The following SDC2 variants were observed in gnomAD, a reference collection of about 807,000 sequenced individuals.
SDC2 encodes the protein syndecan-2.
In SDC2, 13 loss-of-function variants were observed where a neutral mutation model predicts 22.2. The ratio of observed to expected loss-of-function variants is 0.59; its 90% CI spans 0.38 to 0.93. The LOEUF (loss-of-function observed/expected upper bound fraction) is 0.93, where lower values mean the gene tolerates loss of function less well. Ranked by LOEUF, SDC2 falls within the 40% of genes least tolerant of loss-of-function variation. SDC2 has a pLI of 0.00. For synonymous variants in SDC2, 94 were observed against 92.8 expected (o/e 1.01, Z -0.07); for missense variants, 235 against 246.8 (o/e 0.95, Z 0.32).
At chr8:96,546,268 T>C (rs1813930779) in intron 1 of SDC2, among the ~76,000 whole-genome samples, 1 of 152,200 alleles carries the variant, frequency 6.6e-6, no homozygotes, top group Admixed American at 6.5e-5. Flanking sequence ...GCAACTCACT[T>C]GAAACTTTGG....
Position 96,608,319 on chromosome 8 carries a change from C to G in SDC2, c.307-16C>G. 1 of 1,608,004 alleles carries G rather than the reference C, an allele frequency of 6.2e-7. No homozygotes were observed. Among genetic ancestry groups the G allele is most frequent in the Non-Finnish European group, 8.5e-7 (1 of 1,177,688 alleles). Reference sequence around the variant, plus strand: ...TTCCTTAAATCAATGTAATCTTTCCCTGTTTCCCATACCAGTCACCTGAAG... The same window carrying G: ...TTCCTTAAATCAATGTAATCTTTCCGTGTTTCCCATACCAGTCACCTGAAG... On this transcript the variant is annotated splice_polypyrimidine_tract_variant and intron_variant, in intron 3 of 4. Transcript: ENST00000302190.
At chr8:96,557,631 G>C (rs1286608772) in intron 1 of SDC2, among the ~76,000 whole-genome samples, 2 of 152,018 alleles carry the variant, frequency 1.3e-5, no homozygotes, top group African/African-American at 4.8e-5. Flanking sequence ...GTGGTGGGGT[G>C]GGGGGAGTGG....
intron 1 of SDC2, among the ~76,000 whole-genome samples, chr8:96,565,057 C>T (rs1043755818): frequency 5.9e-5 from 6 of 102,356 alleles, no homozygotes; most frequent in Non-Finnish European, 1.4e-4. Flanking sequence ...GGTAAGCATA[C>T]TGATCACTGA....
chr8:96,599,426 A>G (rs1312371510), intron 2 of SDC2, among the ~76,000 whole-genome samples: 2 of 152,226 alleles, frequency 1.3e-5, no homozygotes, highest in African/African-American at 2.4e-5. Flanking sequence ...TCTTTGTAAG[A>G]AAATGATTCA....
At chr8:96,537,417 G>A (rs779345459) in intron 1 of SDC2, 61 of 152,098 alleles carry the variant, frequency 4.0e-4, no homozygotes, top group Non-Finnish European at 7.8e-4. Flanking sequence ...AGCATCTCAT[G>A]GTGTCCAGGT....
Position 96,596,815 on chromosome 8 carries a change from GGAA to G in SDC2, c.172+3230_172+3232del, listed in dbSNP as rs1381399845. Reference sequence around the variant, plus strand: ...AAAAGCCATGAAGTTTTGAAAGCTGGGAAGAAGATGAGCTAGTGGGGACAGACT... The same window carrying G: ...AAAAGCCATGAAGTTTTGAAAGCTGGGAAGATGAGCTAGTGGGGACAGACT... On this transcript the variant is annotated intron_variant, in intron 2 of 4. Coordinates refer to ENST00000302190, the MANE Select transcript of SDC2 (RefSeq NM_002998.4). 1.4e-4 allele frequency among the ~76,000 whole-genome samples: 21 copies of G among 152,310 alleles called. No homozygotes were observed. In the East Asian group the frequency reaches 2.3e-3, roughly 17 times the overall value.
intron 1 of SDC2, among the ~76,000 whole-genome samples, chr8:96,565,710 C>T (rs1254133197): frequency 6.6e-6 from 1 of 152,136 alleles, no homozygotes; most frequent in African/African-American, 2.4e-5. Context: ...TTGGGAAAGA[C>T]TGCCTTCCCT....
intron 1 of SDC2, among the ~76,000 whole-genome samples, chr8:96,519,728 C>T (rs933422726): frequency 3.3e-5 from 5 of 151,984 alleles, no homozygotes; most frequent in South Asian, 2.1e-4. Context: ...TCTCTCCTCC[C>T]GGGTTCAAGC....
intron 1 of SDC2, among the ~76,000 whole-genome samples, chr8:96,541,260 C>A (rs1330598228): frequency 1.3e-5 from 2 of 151,962 alleles, no homozygotes; most frequent in Non-Finnish European, 2.9e-5. Context: ...GAAACCCCAT[C>A]TCTACCTAAA....
At chr8:96,527,208 A>C (rs1813591272) in intron 1 of SDC2, among the ~76,000 whole-genome samples, 1 of 151,512 alleles carries the variant, frequency 6.6e-6, no homozygotes, top group African/African-American at 2.4e-5. Context: ...GCTTAGGGAC[A>C]GGTTTGGGAG....
chr8:96,519,797 C>T (rs1252266159), intron 1 of SDC2, among the ~76,000 whole-genome samples: 2 of 152,020 alleles, frequency 1.3e-5, no homozygotes, highest in Non-Finnish European at 2.9e-5. Flanking sequence ...CCACGCATGG[C>T]TCGGTTTTTA....
chr8:96,572,090 GT>G (rs1046116789), intron 1 of SDC2, among the ~76,000 whole-genome samples: 1 of 152,006 alleles, frequency 6.6e-6, no homozygotes, highest in Admixed American at 6.6e-5. Context: ...CTGCCACCCT[GT>G]TTTTTTTCCC....
chr8:96,524,313 T>C (rs1419065061), intron 1 of SDC2, among the ~76,000 whole-genome samples: 1 of 152,188 alleles, frequency 6.6e-6, no homozygotes, highest in African/African-American at 2.4e-5. Flanking sequence ...GGGGATGTCA[T>C]TATCATGGCT....
At chr8:96,597,383 G>A (rs192249090) in intron 2 of SDC2, among the ~76,000 whole-genome samples, 44 of 152,228 alleles carry the variant, frequency 2.9e-4, no homozygotes, top group Middle Eastern at 3.4e-3. Context: ...AAACTTCAAT[G>A]AGAAATGAAA....
chr8:96,523,437 T>C (rs1309108313), intron 1 of SDC2, among the ~76,000 whole-genome samples: 1 of 152,230 alleles, frequency 6.6e-6, no homozygotes, highest in Non-Finnish European at 1.5e-5. Context: ...CCCTAATGGA[T>C]GGGATCTCTG....
intron 1 of SDC2, chr8:96,586,267 T>C (rs1284869834): frequency 1.3e-5 from 2 of 152,196 alleles, no homozygotes; most frequent in Non-Finnish European, 2.9e-5. Flanking sequence ...GGTAACCAGG[T>C]AGTTTCTTTA....
chr8:96,596,049 G>A (rs1350723029), intron 2 of SDC2, among the ~76,000 whole-genome samples: 2 of 152,178 alleles, frequency 1.3e-5, no homozygotes, highest in East Asian at 3.9e-4. Flanking sequence ...TTTTAACTGT[G>A]TCAGAAACTA....
chr8:96,596,798 T>C (rs1563675873), intron 2 of SDC2, among the ~76,000 whole-genome samples: 2 of 152,222 alleles, frequency 1.3e-5, no homozygotes, highest in South Asian at 2.1e-4. Context: ...ACAAAAGCCA[T>C]GAAGTTTTGA....
Position 96,602,372 on chromosome 8 carries a change from TTCATCTTCAC to T in SDC2, c.173-21_173-12del. ...TCTGTGTCATGATTGCCATGCTCAG[TTCATCTTCAC>T]TTACTTTTCCAGGAGCTGATGAGGA... On this transcript the variant is annotated splice_polypyrimidine_tract_variant and intron_variant, in intron 2 of 4. Coordinates refer to ENST00000302190, the MANE Select transcript of SDC2 (RefSeq NM_002998.4). 5 of 1,612,682 alleles carry T rather than the reference TTCATCTTCAC, an allele frequency of 3.1e-6. No homozygotes were observed. Among genetic ancestry groups the T allele is most frequent in the Non-Finnish European group, 4.2e-6 (5 of 1,179,020 alleles).
Sources: allele counts gnomAD v4.1 joint callset (sites outside exome capture counted in the v4.1 genomes callset), GRCh38; gene constraint gnomAD v4.1.1; transcripts MANE v1.5; gene names NCBI Gene and HGNC (gene_info 2026-07-23, HGNC 2026-07-21).